RTF1: variants seen among roughly 807,000 people sequenced by gnomAD.
The protein encoded by RTF1 is RNA polymerase-associated protein RTF1 homolog.
Under a neutral mutation model 95.7 loss-of-function variants are expected in RTF1, and 10 were observed. The ratio of observed to expected loss-of-function variants is 0.10; its 90% CI spans 0.06 to 0.18. The LOEUF (loss-of-function observed/expected upper bound fraction) is 0.18, where lower values mean the gene tolerates loss of function less well. Among genes scored for constraint, RTF1 ranks in the 10% least tolerant of loss-of-function variants. The pLI is 1.00. For missense variants in RTF1, 458 were observed against 875.6 expected (o/e 0.52, Z 6.02); for synonymous variants, 305 against 311.8 (o/e 0.98, Z 0.23).
chr15:41,463,892 G>A (rs1334048801), intron 4 of RTF1, among the ~76,000 whole-genome samples: 7 of 152,048 alleles, frequency 4.6e-5, no homozygotes, highest in Admixed American at 6.6e-5. Flanking sequence ...TCACTCTGTC[G>A]CCAGGCTGGA....
intron 3 of RTF1, among the ~76,000 whole-genome samples, chr15:41,457,020 A>C (rs2050821836): frequency 6.6e-6 from 1 of 151,862 alleles, no homozygotes; most frequent in South Asian, 2.1e-4. Context: ...AGGGAGGTGG[A>C]AGTTGCAATG....
intron 3 of RTF1, among the ~76,000 whole-genome samples, chr15:41,456,488 C>CA (rs554155784): frequency 0.3 from 33,457 of 113,306 alleles, 4,274 homozygotes; most frequent in Non-Finnish European, 0.32. Context: ...GACTCTGTCT[C>CA]AAAAAAAAAA....
rs756393831 is a variant in RTF1, at chr15:41,479,092, TTC to T, written c.1819-4_1819-3del. On this transcript the variant is annotated splice_polypyrimidine_tract_variant and intron_variant, in intron 15 of 17. Coordinates refer to ENST00000389629, the MANE Select transcript of RTF1 (RefSeq NM_015138.5). The stretch of plus-strand genomic sequence containing the variant: ...CAAGCAATCTCTAAAACAACTTATT[TTC>T]TCTCTCAGTCCAGAGACCCAGCTGT... 2 of 1,600,594 alleles carry T rather than the reference TTC, an allele frequency of 1.2e-6. No homozygotes were observed. The highest frequency in any genetic ancestry group is 1.7e-5 in the Admixed American group (1 of 59,858).
intron 1 of RTF1, among the ~76,000 whole-genome samples, chr15:41,423,013 C>T (rs1481838521): frequency 6.6e-6 from 1 of 152,128 alleles, no homozygotes; most frequent in Non-Finnish European, 1.5e-5. Flanking sequence ...ACCTCGTGAT[C>T]CACCCTCCTC....
chr15:41,450,803 T>G (rs2050786157), intron 2 of RTF1, among the ~76,000 whole-genome samples: 1 of 151,690 alleles, frequency 6.6e-6, no homozygotes, highest in Non-Finnish European at 1.5e-5. Context: ...ATTTAAAAAT[T>G]AGCTGGGCAT....
chr15:41,425,078 A>G (rs900840645), intron 1 of RTF1, among the ~76,000 whole-genome samples: 6 of 150,814 alleles, frequency 4.0e-5, no homozygotes, highest in African/African-American at 1.5e-4. Flanking sequence ...TGGGACTGCA[A>G]GTGTGTGCCA....
chr15:41,465,089 C>G, intron 5 of RTF1, among the ~76,000 whole-genome samples: 1 of 151,890 alleles, frequency 6.6e-6, no homozygotes, highest in East Asian at 1.9e-4. Flanking sequence ...CTTTGCTTTC[C>G]TTTTTCCTTT....
At chr15:41,434,518 G>A (rs1386272677) in intron 1 of RTF1, among the ~76,000 whole-genome samples, 1 of 152,158 alleles carries the variant, frequency 6.6e-6, no homozygotes, top group African/African-American at 2.4e-5. Flanking sequence ...CAGGGAATGG[G>A]AGAAGGGATG....
At chr15:41,476,310 T>C (rs1221177834) in intron 11 of RTF1, 136 bp from the exon 12 acceptor site, 1 of 690,580 alleles carries the variant, frequency 1.4e-6, no homozygotes, top group East Asian at 2.7e-5. Context: ...GCTCTCTCTC[T>C]CTCTGGGGCA....
At chr15:41,431,256 C>T (rs1167621404) in intron 1 of RTF1, among the ~76,000 whole-genome samples, 3 of 149,228 alleles carry the variant, frequency 2.0e-5, no homozygotes, top group Non-Finnish European at 3.0e-5. Context: ...CTCTTGTTGC[C>T]CAGGCTAGAG....
intron 2 of RTF1, among the ~76,000 whole-genome samples, chr15:41,452,504 C>T (rs374916367): frequency 1.3e-5 from 2 of 151,912 alleles, no homozygotes; most frequent in African/African-American, 4.8e-5. Context: ...GAGGCCGATA[C>T]AGGAGGATTG....
At chr15:41,420,533 A>T (rs940853657) in intron 1 of RTF1, among the ~76,000 whole-genome samples, 1 of 151,834 alleles carries the variant, frequency 6.6e-6, no homozygotes, top group Non-Finnish European at 1.5e-5. Context: ...ATAACATTAG[A>T]CTTGCTGTCT....
intron 1 of RTF1, among the ~76,000 whole-genome samples, chr15:41,419,828 A>T (rs953859533): frequency 6.6e-6 from 1 of 152,106 alleles, no homozygotes; most frequent in Non-Finnish European, 1.5e-5. Flanking sequence ...TTATTTATTT[A>T]TTTATTTTTG....
chr15:41,433,281 C>G (rs755226799), intron 1 of RTF1, among the ~76,000 whole-genome samples: 8 of 152,080 alleles, frequency 5.3e-5, no homozygotes, highest in Admixed American at 2.0e-4. Flanking sequence ...ATAAAACTGG[C>G]ATAATAATGC....
chr15:41,469,803 G>A (rs2050900483), intron 6 of RTF1, among the ~76,000 whole-genome samples: 1 of 152,138 alleles, frequency 6.6e-6, no homozygotes, highest in African/African-American at 2.4e-5. Flanking sequence ...GAGATTACAG[G>A]CGTAAGCCAC....
At chr15:41,456,503 A>AAT (rs1334327944) in intron 3 of RTF1, among the ~76,000 whole-genome samples, 3 of 147,976 alleles carry the variant, frequency 2.0e-5, no homozygotes, top group Non-Finnish European at 4.5e-5. Context: ...AAAAAAAAAA[A>AAT]GAACTGCTGG....
chr15:41,480,136 G>A (rs552678988), intron 16 of RTF1, 78 bp from the exon 17 acceptor site: 16 of 898,342 alleles, frequency 1.8e-5, no homozygotes, highest in African/African-American at 1.2e-4. Context: ...TAAGAGCTTC[G>A]TACCGTTAGT....
chr15:41,478,212 C>T (rs914370267), intron 14 of RTF1, among the ~76,000 whole-genome samples: 2 of 152,088 alleles, frequency 1.3e-5, no homozygotes, highest in African/African-American at 2.4e-5. Flanking sequence ...AGCAGCCTGG[C>T]CAACATGGCG....
chr15:41,449,123 A>G (rs970972819), intron 2 of RTF1, among the ~76,000 whole-genome samples: 1 of 151,934 alleles, frequency 6.6e-6, no homozygotes, highest in Non-Finnish European at 1.5e-5. Flanking sequence ...AGCTCAAGCA[A>G]TCAGCCTGCC....
Sources: gnomAD v4.1 joint callset for allele counts (sites outside exome capture counted in the v4.1 genomes callset) on GRCh38, gnomAD v4.1.1 for gene constraint, MANE v1.5 for transcripts, NCBI Gene and HGNC (gene_info 2026-07-23, HGNC 2026-07-21) for gene names.